The following AFAP1 variants were observed in gnomAD, a reference collection of about 807,000 sequenced individuals.
AFAP1 encodes actin filament-associated protein 1.
A neutral mutation model predicts 93.9 loss-of-function variants in AFAP1; 75 were observed. The ratio of observed to expected loss-of-function variants is 0.80; its 90% confidence interval spans 0.66 to 0.97. The LOEUF is 0.97. Ranked by LOEUF, AFAP1 falls within the 50% of genes least tolerant of loss-of-function variation. The probability of loss-of-function intolerance (pLI) is 0.00; values close to 1 mark genes in which losing one functional copy is unlikely to be tolerated. For synonymous variants in AFAP1, 517 were observed against 430.7 expected (o/e 1.20, Z -2.48); for missense variants, 1,201 against 1,050.8 (o/e 1.14, Z -1.98).
intron 8 of AFAP1, 140 bp from the exon 9 acceptor site, chr4:7,809,903 G>T: frequency 1.0e-6 from 1 of 969,134 alleles, no homozygotes; most frequent in Non-Finnish European, 1.5e-6. Context: ...TCTGTCCCCT[G>T]GCTGGAGTGC....
chr4:7,781,033 A>T (rs1009059372), intron 13 of AFAP1, among the ~76,000 whole-genome samples: 1 of 151,918 alleles, frequency 6.6e-6, no homozygotes, highest in South Asian at 2.1e-4. Flanking sequence ...TAGTAAAGAA[A>T]CTTGCTGTTC....
chr4:7,787,321 C>T (rs1298588432), intron 11 of AFAP1, among the ~76,000 whole-genome samples: 1 of 152,260 alleles, frequency 6.6e-6, no homozygotes, highest in African/African-American at 2.4e-5. Context: ...TGCTTCTGAA[C>T]TGTGTCCTTT....
chr4:7,819,959 T>G (rs984499351), intron 6 of AFAP1, among the ~76,000 whole-genome samples: 1 of 152,190 alleles, frequency 6.6e-6, no homozygotes, highest in East Asian at 1.9e-4. Flanking sequence ...AGACAGGGCC[T>G]AAAGCATAAC....
intron 6 of AFAP1, among the ~76,000 whole-genome samples, chr4:7,834,762 G>A (rs1712075032): frequency 6.6e-6 from 1 of 152,234 alleles, no homozygotes; most frequent in Admixed American, 6.5e-5. Context: ...GCCAAAGAGG[G>A]GGTCCCTGGC....
chr4:7,782,818 C>T (rs1456059870), intron 12 of AFAP1, among the ~76,000 whole-genome samples: 1 of 152,218 alleles, frequency 6.6e-6, no homozygotes, highest in Non-Finnish European at 1.5e-5. Flanking sequence ...CCTCCGCAAT[C>T]ACTTCAATGT....
chr4:7,824,451 T>A (rs76159284), intron 6 of AFAP1, among the ~76,000 whole-genome samples: 2 of 139,486 alleles, frequency 1.4e-5, no homozygotes. Context: ...ACAGAGACAG[T>A]CAGTTAATTC....
chr4:7,889,552 A>AG (rs1490816049), intron 1 of AFAP1, among the ~76,000 whole-genome samples: 1 of 147,542 alleles, frequency 6.8e-6, no homozygotes, highest in African/African-American at 2.4e-5. Flanking sequence ...CAAAAAAAAA[A>AG]AAAAAAGAAA....
At position 7,858,403 on chromosome 4, in the gene AFAP1, C is replaced by T. The variant is rs116768583; in HGVS notation, c.226-2829G>A. Among the ~76,000 whole-genome samples the T allele has an allele frequency of 2.4e-3, 363 of 152,230 alleles. 2 individuals carry two copies. The highest frequency in any genetic ancestry group is 8.5e-3 in the African/African-American group (354 of 41,538). On this transcript the variant is annotated intron_variant, in intron 3 of 17. Transcript: ENST00000420658. Reference sequence around the variant, plus strand: ...AAATAATACTGCTAAAGAATCACTCCACTCTCAAATACCACTTATCCTTGA... The same window carrying T: ...AAATAATACTGCTAAAGAATCACTCTACTCTCAAATACCACTTATCCTTGA...
At chr4:7,788,699 T>C (rs1422551344) in intron 11 of AFAP1, 1 of 152,182 alleles carries the variant, frequency 6.6e-6, no homozygotes, top group Non-Finnish European at 1.5e-5. Flanking sequence ...AAATGCCTCA[T>C]TGGAAGGCTT....
At chr4:7,907,508 T>C (rs1577350629) in intron 1 of AFAP1, among the ~76,000 whole-genome samples, 2 of 152,122 alleles carry the variant, frequency 1.3e-5, no homozygotes, top group East Asian at 3.8e-4. Context: ...AAATAGCCTG[T>C]TTAGTAACAA....
At chr4:7,898,787 C>A (rs1478901084) in intron 1 of AFAP1, among the ~76,000 whole-genome samples, 1 of 139,728 alleles carries the variant, frequency 7.2e-6, no homozygotes, top group Non-Finnish European at 1.5e-5. Context: ...CTAGTTTTGT[C>A]TTTCTGTGCT....
At position 7,939,494 on chromosome 4, in the gene AFAP1, G is replaced by A. The variant is rs1333323303; in HGVS notation, c.-3+162C>T. On this transcript the variant is annotated intron_variant, in intron 1 of 17. Transcript: ENST00000420658. This position sits in a 1 kb window ranked among gnomAD's most constrained non-coding sequence, Gnocchi z 5.6. Reference sequence around the variant, plus strand: ...GACCGGGACCCCCGCGCGGGCCCACGCGGCGTCGCAGCAGGCGCGGAGCCC... The same window carrying A: ...GACCGGGACCCCCGCGCGGGCCCACACGGCGTCGCAGCAGGCGCGGAGCCC... 1.6e-5 allele frequency: 5 copies of A among 316,052 alleles called. No individual in the cohort carries two copies. In the Admixed American group the frequency reaches 1.9e-4, roughly 12 times the overall value. 19.6% of individuals were successfully genotyped at this position (316,052 alleles called of 1,614,324 possible).
intron 1 of AFAP1, among the ~76,000 whole-genome samples, chr4:7,892,892 C>T (rs1377357104): frequency 1.3e-5 from 2 of 152,000 alleles, no homozygotes; most frequent in East Asian, 1.9e-4. Flanking sequence ...ATGAAAATAC[C>T]CTCCTTGAGA....
At chr4:7,802,449 A>G (rs1417627007) in intron 9 of AFAP1, among the ~76,000 whole-genome samples, 2 of 152,228 alleles carry the variant, frequency 1.3e-5, no homozygotes, top group South Asian at 2.1e-4. Context: ...TTCTTGAAGG[A>G]GGACGTTAAC....
intron 16 of AFAP1, among the ~76,000 whole-genome samples, chr4:7,769,524 G>A (rs969035427): frequency 3.9e-5 from 6 of 152,150 alleles, no homozygotes; most frequent in Non-Finnish European, 7.4e-5. Context: ...TAGTGTTTAC[G>A]GCAGCTTCCA....
At chr4:7,932,310 G>A (rs376356080) in intron 1 of AFAP1, among the ~76,000 whole-genome samples, 12 of 152,278 alleles carry the variant, frequency 7.9e-5, no homozygotes, top group Middle Eastern at 3.4e-3. Context: ...ACCATCAGTT[G>A]TTTTCTTGAC....
intron 7 of AFAP1, among the ~76,000 whole-genome samples, chr4:7,818,073 G>C (rs1339466491): frequency 6.6e-6 from 1 of 152,178 alleles, no homozygotes; most frequent in Admixed American, 6.5e-5. Context: ...CTGGGGATGA[G>C]ATTAACATTT....
intron 7 of AFAP1, among the ~76,000 whole-genome samples, chr4:7,818,333 G>C (rs1720666668): frequency 6.6e-6 from 1 of 152,156 alleles, no homozygotes; most frequent in African/African-American, 2.4e-5. Flanking sequence ...TAAGAAATCT[G>C]CTTCTACATA....
rs185549428 is a variant in AFAP1 at position 7,790,515 on chromosome 4, T to G, written c.1412+3166A>C. 1.6e-3 allele frequency among the ~76,000 whole-genome samples: 243 copies of G among 152,342 alleles called. 1 individual carries two copies. Among genetic ancestry groups the G allele is most frequent in the African/African-American group, 5.7e-3 (236 of 41,570 alleles). On this transcript the variant is annotated intron_variant, in intron 11 of 17. Coordinates refer to ENST00000420658, the MANE Select transcript of AFAP1 (RefSeq NM_001134647.2). Reference sequence around the variant, plus strand: ...AATGTGGTTATCGGCGTGCTGATTATACTTGCAATTACATGTGGACGTAGG... The same window carrying G: ...AATGTGGTTATCGGCGTGCTGATTAGACTTGCAATTACATGTGGACGTAGG...
Sources: gnomAD v4.1 joint callset for allele counts (sites outside exome capture counted in the v4.1 genomes callset) on GRCh38, gnomAD v4.1.1 for gene constraint, Gnocchi (gnomAD v3.1) non-coding constraint, MANE v1.5 for transcripts, NCBI Gene and HGNC (gene_info 2026-07-23, HGNC 2026-07-21) for gene names.